The following GRM3 variants were observed in gnomAD, a reference collection of about 807,000 sequenced individuals.
GRM3 encodes the protein metabotropic glutamate receptor 3.
In GRM3, 26 loss-of-function variants were observed where a neutral mutation model predicts 70.5. That is an observed-to-expected ratio of 0.37 (90% CI 0.27 to 0.51). The LOEUF (loss-of-function observed/expected upper bound fraction) is 0.51, where lower values mean the gene tolerates loss of function less well. GRM3 is among the 20% of genes least tolerant of loss of function. GRM3 has a pLI of 0.93. For synonymous variants in GRM3, 443 were observed against 434.9 expected, an observed-to-expected ratio of 1.02 and a Z score of -0.23; for missense variants, 859 against 1,123.8, an observed-to-expected ratio of 0.76 and a Z score of 3.37.
intron 1 of GRM3, among the ~76,000 whole-genome samples, chr7:86,673,411 T>C (rs1293281931): frequency 1.3e-5 from 2 of 152,090 alleles, no homozygotes; most frequent in African/African-American, 2.4e-5. Flanking sequence ...CTTTCCTCCT[T>C]CTTACCGGTG....
intron 1 of GRM3, among the ~76,000 whole-genome samples, chr7:86,759,702 A>T (rs1311021528): frequency 6.6e-6 from 1 of 152,188 alleles, no homozygotes; most frequent in African/African-American, 2.4e-5. Flanking sequence ...GGAATTTAGC[A>T]AATGAAGGAA....
At position 86,786,059 on chromosome 7, in the gene GRM3, G is replaced by A; in HGVS notation, c.469-202G>A. On this transcript the variant is annotated intron_variant, in intron 2 of 5. Transcript: ENST00000361669. The surrounding 1 kb of genome is among the most constrained non-coding windows in gnomAD (Gnocchi z 6.0). ...CCCTTTCCTGAAGCACACACTACCT[G>A]TGTGAGACCTGCTTCCTAGTGTCCA... 1 of 612,414 alleles carries A rather than the reference G, an allele frequency of 1.6e-6. No individual in the cohort carries two copies. Among genetic ancestry groups the A allele is most frequent in the Non-Finnish European group, 2.9e-6 (1 of 339,028 alleles). The allele number at this position is 612,414 out of a possible 1,614,324, so 37.9% of individuals were successfully genotyped here. A position where few individuals can be genotyped will look rare whatever the true frequency, so the allele number is the denominator to read the frequency against.
At chr7:86,813,544 G>A (rs1797956010) in intron 3 of GRM3, among the ~76,000 whole-genome samples, 1 of 151,778 alleles carries the variant, frequency 6.6e-6, no homozygotes, top group Non-Finnish European at 1.5e-5. Flanking sequence ...GATCATCTGA[G>A]TTCACCTTAG....
intron 1 of GRM3, among the ~76,000 whole-genome samples, chr7:86,653,548 A>G (rs1304424103): frequency 6.6e-6 from 1 of 152,214 alleles, no homozygotes; most frequent in Non-Finnish European, 1.5e-5. Flanking sequence ...ATGTCCTATT[A>G]TCTTCGTTGT....
chr7:86,845,714 T>C (rs1798642412), intron 4 of GRM3, among the ~76,000 whole-genome samples: 1 of 152,124 alleles, frequency 6.6e-6, no homozygotes, highest in Non-Finnish European at 1.5e-5. Flanking sequence ...AGAGAGCAGC[T>C]CCTTGCCAAT....
At chr7:86,716,763 A>G (rs373953594) in intron 1 of GRM3, among the ~76,000 whole-genome samples, 99 of 152,042 alleles carry the variant, frequency 6.5e-4, no homozygotes, top group African/African-American at 2.2e-3. Flanking sequence ...TAATTTACAT[A>G]AGATTATAAG....
intron 2 of GRM3, among the ~76,000 whole-genome samples, chr7:86,782,518 ATCT>A (rs1797099070): frequency 6.6e-6 from 1 of 152,214 alleles, no homozygotes; most frequent in South Asian, 2.1e-4. Flanking sequence ...TTCCTGCCAC[ATCT>A]TCTCCTGAAA....
intron 1 of GRM3, 181 bp downstream of exon 1, chr7:86,645,053 G>A (rs1039379954): frequency 2.8e-6 from 1 of 354,768 alleles, no homozygotes. Flanking sequence ...GCATGAGTGA[G>A]AGTTTGTGTG....
At chr7:86,775,050 A>G (rs919510703) in intron 2 of GRM3, 1 of 152,142 alleles carries the variant, frequency 6.6e-6, no homozygotes, top group African/African-American at 2.4e-5. Context: ...TAAAAAGTAA[A>G]GGAAAGTAAC....
intron 3 of GRM3, among the ~76,000 whole-genome samples, chr7:86,794,480 T>C (rs1384315064): frequency 6.6e-6 from 1 of 152,168 alleles, no homozygotes; most frequent in Non-Finnish European, 1.5e-5. Flanking sequence ...CACAGAAACA[T>C]AGCAAAATTT....
rs1472796951 is a variant in GRM3, at chr7:86,644,913, C to T, written c.-141+41C>T. 4.3e-6 allele frequency: 5 copies of T among 1,172,342 alleles called. No homozygotes were observed. In the Admixed American group the frequency reaches 9.7e-5, roughly 23 times the overall value. 72.6% of individuals were successfully genotyped at this position (1,172,342 alleles called of 1,614,324 possible). On this transcript the variant is annotated intron_variant, in intron 1 of 5. Transcript: ENST00000361669. Reference sequence around the variant, plus strand: ...GAGGACGTGTCCCTCTGGAGGGCGCCCAGCCAGGGCGCGGAAGCTCGGGTG... The same window carrying T: ...GAGGACGTGTCCCTCTGGAGGGCGCTCAGCCAGGGCGCGGAAGCTCGGGTG...
rs1799025106 is a variant in GRM3, at chr7:86,864,545, A to G, written c.*190A>G. On this transcript the variant is annotated 3_prime_UTR_variant, in exon 6 of 6. Coordinates refer to ENST00000361669, the MANE Select transcript of GRM3 (RefSeq NM_000840.3). ...TTTCTAGGCTGAGTCTAGTGCCCCT[A>G]TTATTAACAATTCCCCCAGAACATG... 4.0e-6 allele frequency: 2 copies of G among 496,508 alleles called. No individual in the cohort carries two copies. Among genetic ancestry groups the G allele is most frequent in the South Asian group, 6.0e-5 (2 of 33,210 alleles). The allele number at this position is 496,508 out of a possible 1,614,324, so 30.8% of individuals were successfully genotyped here.
chr7:86,665,920 T>C (rs1794013346), intron 1 of GRM3, among the ~76,000 whole-genome samples: 1 of 151,966 alleles, frequency 6.6e-6, no homozygotes, highest in Non-Finnish European at 1.5e-5. Context: ...GAAGAACAAG[T>C]TTTAGGACTA....
chr7:86,705,827 T>C (rs891311541), intron 1 of GRM3, among the ~76,000 whole-genome samples: 1 of 152,054 alleles, frequency 6.6e-6, no homozygotes, highest in Non-Finnish European at 1.5e-5. Context: ...CTCTCCCCTT[T>C]GGAAAAACTT....
intron 1 of GRM3, among the ~76,000 whole-genome samples, chr7:86,673,378 C>A (rs1396530684): frequency 6.6e-6 from 1 of 152,084 alleles, no homozygotes; most frequent in East Asian, 1.9e-4. Context: ...CTATCCACTT[C>A]AAAACTCACC....
Position 86,786,500 on chromosome 7 carries a change from G to C in GRM3, c.708G>C (p.Leu236=). 6.2e-7 allele frequency: 1 copy of C among 1,614,232 alleles called. No homozygotes were observed. The highest frequency in any genetic ancestry group is 1.6e-4 in the Middle Eastern group (1 of 6,062). ...GIEAFEQEAR[L]RNICIATAEK... The stretch of plus-strand genomic sequence containing the variant: ...AGGCCTTCGAGCAGGAAGCCCGCCT[G>C]CGCAACATCTGCATCGCTACGGCGG... The change falls in exon 3 of 6, where the codon CTG becomes CTC. Residue 236 remains leucine, a synonymous_variant. Transcript: ENST00000361669. The surrounding 1 kb of genome is among the most constrained non-coding windows in gnomAD (Gnocchi z 6.0).
chr7:86,706,901 T>A (rs1008574998), intron 1 of GRM3, among the ~76,000 whole-genome samples: 2 of 152,156 alleles, frequency 1.3e-5, no homozygotes, highest in Admixed American at 6.6e-5. Flanking sequence ...TTTGTCCATA[T>A]GGCTGAATAT....
At chr7:86,664,106 T>C (rs1793964693) in intron 1 of GRM3, among the ~76,000 whole-genome samples, 1 of 151,960 alleles carries the variant, frequency 6.6e-6, no homozygotes, top group East Asian at 1.9e-4. Context: ...CAGAAAATCA[T>C]TTTAGTACTT....
chr7:86,836,633 A>G (rs1293789147), intron 3 of GRM3, among the ~76,000 whole-genome samples: 1 of 152,086 alleles, frequency 6.6e-6, no homozygotes, highest in Non-Finnish European at 1.5e-5. Context: ...CCCTCCTCCC[A>G]TCTTCTCCCT....
Sources: allele counts gnomAD v4.1 joint callset (sites outside exome capture counted in the v4.1 genomes callset), GRCh38; gene constraint gnomAD v4.1.1; non-coding constraint Gnocchi (gnomAD v3.1); transcripts MANE v1.5; gene names NCBI Gene and HGNC (gene_info 2026-07-23, HGNC 2026-07-21).